The following AP4B1 variants were observed in gnomAD, a reference collection of about 807,000 sequenced individuals.
AP4B1 encodes the protein adaptor related protein complex 4 subunit beta 1, also known as AP-4 complex subunit beta-1.
In AP4B1, 49 loss-of-function variants were observed where a neutral mutation model predicts 76.5. The observed-to-expected ratio is 0.64, with a 90% CI of 0.51 to 0.81. The LOEUF (loss-of-function observed/expected upper bound fraction) is 0.81. Among genes scored for constraint, AP4B1 ranks in the 40% least tolerant of loss-of-function variants. The pLI is 0.00. For synonymous variants in AP4B1, 330 were observed against 333.3 expected, an observed-to-expected ratio of 0.99 and a Z score of 0.11; for missense variants, 911 against 904.9, an observed-to-expected ratio of 1.01 and a Z score of -0.09.
Position 113,894,764 on chromosome 1 carries a change from A to G in AP4B1, c.*301T>C, listed in dbSNP as rs12076115. The stretch of plus-strand genomic sequence containing the variant: ...CCCTATCAGTTTCCACACATCAGCC[A>G]TCTTTAATTACTAACACAATTCCTA... On this transcript the variant is annotated 3_prime_UTR_variant, in exon 10 of 10. Transcript: ENST00000369569. 6.1e-3 allele frequency: 2,158 copies of G among 356,600 alleles called. 50 individuals are homozygous for G. The highest frequency in any genetic ancestry group is 0.042 in the African/African-American group (1,981 of 47,582). The allele number at this position is 356,600 out of a possible 1,614,324, so 22.1% of individuals were successfully genotyped here.
At chr1:113,898,210 G>A (rs560275108) in intron 6 of AP4B1, among the ~76,000 whole-genome samples, 3 of 152,194 alleles carry the variant, frequency 2.0e-5, no homozygotes, top group Non-Finnish European at 4.4e-5. Flanking sequence ...ATGCAAATGT[G>A]GGGTAGTATT....
rs924555357 is a variant in AP4B1 at position 113,904,767 on chromosome 1, G to A, written c.-50C>T. On this transcript the variant is annotated 5_prime_UTR_variant, in exon 1 of 10. Coordinates refer to ENST00000369569, the MANE Select transcript of AP4B1 (RefSeq NM_001253852.3). ...CCCACAGCTCCCACGGTAACTCGAG[G>A]GCTCCTTCTCGTCCTGATGTGGGAG... The A allele has an allele frequency of 3.3e-6, 5 of 1,499,454 alleles. No homozygotes were observed. Among genetic ancestry groups the A allele is most frequent in the Non-Finnish European group, 4.6e-6 (5 of 1,077,428 alleles). 92.9% of individuals were successfully genotyped at this position (1,499,454 alleles called of 1,614,324 possible). A position where few individuals can be genotyped will look rare whatever the true frequency, so the allele number is the denominator to read the frequency against.
In AP4B1 at chr1:113,896,278, C is replaced by T. The variant is rs750578038; in HGVS notation, c.1490G>A (p.Arg497His). ...CCCACCTATGCAGTAATACAACAAA[C>T]GTCCTAGCATGTCCTGGCACTCAGC... ...RPAECQDMLG[R>H]LLYYCIEEEK... Residue 497 changes from arginine to histidine, a missense_variant, in exon 8 of 10, where the codon CGT (arginine) becomes CAT (histidine). Physicochemically the swap from Arg to His is conservative, Grantham distance 29. Transcript: ENST00000369569. The T allele has an allele frequency of 1.9e-5, 31 of 1,614,044 alleles. No homozygotes were observed. The East Asian group carries it at 2.5e-4, about 13-fold the overall frequency.
intron 1 of AP4B1, among the ~76,000 whole-genome samples, chr1:113,903,104 T>C (rs1266489317): frequency 1.3e-5 from 2 of 152,216 alleles, no homozygotes; most frequent in African/African-American, 4.8e-5. Flanking sequence ...CTTGCTCTGT[T>C]ACCCAGGCTA....
In AP4B1 at chr1:113,901,866, A is replaced by T. The variant is rs138880168; in HGVS notation, c.358T>A (p.Tyr120Asn). ...CCATTGAGAATAGGCTGTTGTATATACTCCTGCACACCAGGCATCCTAAGC... is the reference window on the plus strand; with the variant it reads ...CCATTGAGAATAGGCTGTTGTATATTCTCCTGCACACCAGGCATCCTAAGC... ...CSLRMPGVQE[Y>N]IQQPILNGLR... Residue 120 changes from tyrosine (Y) to asparagine (N), a missense_variant, in exon 3 of 10, where the codon TAT becomes AAT. Transcript: ENST00000369569. The T allele has an allele frequency of 1.3e-4, 204 of 1,614,036 alleles. No individual in the cohort carries two copies. The highest frequency in any genetic ancestry group is 1.7e-4 in the Non-Finnish European group (195 of 1,179,990).
rs768141876 is a variant in AP4B1 at position 113,895,219 on chromosome 1, G to A, written c.2066C>T (p.Thr689Ile). 8.1e-6 allele frequency: 13 copies of A among 1,614,092 alleles called. No individual in the cohort carries two copies. The Admixed American group carries it at 1.8e-4, about 23-fold the overall frequency. Residue 689 changes from threonine (T) to isoleucine (I), a missense_variant, in exon 10 of 10, where the codon ACT becomes ATT. Coordinates refer to ENST00000369569, the MANE Select transcript of AP4B1 (RefSeq NM_001253852.3). ...WKAYLSAQDD[T>I]GCLFLTELLL... Reference sequence around the variant, plus strand: ...CAGTTCTGTTAAGAACAGACAGCCAGTATCATCCTGAGCACTGAGGTATGC... The same window carrying A: ...CAGTTCTGTTAAGAACAGACAGCCAATATCATCCTGAGCACTGAGGTATGC...
chr1:113,895,672 T>C lies in AP4B1; in HGVS notation c.1792+85A>G, dbSNP rs111830978. On this transcript the variant is annotated intron_variant, in intron 9 of 9. Coordinates refer to ENST00000369569, the MANE Select transcript of AP4B1 (RefSeq NM_001253852.3). ...CAAATTCAGGCAACAGTCTGAGGTT[T>C]AGTGCTAAGATACTCTACTTTCCAC... The C allele has an allele frequency of 1.3e-3, 2,090 of 1,580,830 alleles. 28 individuals are homozygous for C. In the African/African-American group the frequency reaches 0.025, roughly 19 times the overall value.
intron 3 of AP4B1, 134 bp downstream of exon 3, chr1:113,901,621 A>G: frequency 1.5e-6 from 2 of 1,362,446 alleles, no homozygotes; most frequent in Non-Finnish European, 2.1e-6. Flanking sequence ...GAAGATACCA[A>G]GCCCTGCATC....
At chr1:113,895,733 A>T (rs1667385044) in intron 9 of AP4B1, 24 bp downstream of exon 9, 1 of 1,613,746 alleles carries the variant, frequency 6.2e-7, no homozygotes, top group African/African-American at 1.3e-5. Context: ...TCATGACAAG[A>T]TTTAAGGTAA....
At chr1:113,898,938 TTGA>T in intron 5 of AP4B1, 137 bp from the exon 6 acceptor site, 1 of 941,416 alleles carries the variant, frequency 1.1e-6, no homozygotes, top group Non-Finnish European at 1.6e-6. Context: ...CACTCCTTAC[TTGA>T]TGAACTAAGA....
At chr1:113,899,088 C>T (rs1335717052) in intron 5 of AP4B1, 4 of 1,238,994 alleles carry the variant, frequency 3.2e-6, no homozygotes, top group Non-Finnish European at 4.1e-6. Flanking sequence ...ATTTACATGG[C>T]AGCCAGATAT....
In AP4B1 at chr1:113,895,057, A is replaced by G. The variant is rs750985228; in HGVS notation, c.*8T>C. The G allele has an allele frequency of 1.1e-5, 18 of 1,611,762 alleles. No individual in the cohort carries two copies. In the African/African-American group the frequency reaches 2.4e-4, roughly 22 times the overall value. On this transcript the variant is annotated 3_prime_UTR_variant, in exon 10 of 10. Transcript: ENST00000369569. ...TTCATCTTACTCTAGACAAGCAACA[A>G]GACTCTGTTATGATTTTATTTCTTC...
chr1:113,896,572 G>A (rs190038360), intron 7 of AP4B1, 107 bp from the exon 8 acceptor site: 58 of 1,008,724 alleles, frequency 5.7e-5, no homozygotes, highest in Admixed American at 5.1e-4. Flanking sequence ...CAGCAGAAAA[G>A]GTGTAATCTT....
chr1:113,896,174 A>T, intron 8 of AP4B1, 84 bp downstream of exon 8: 2 of 1,595,600 alleles, frequency 1.3e-6, no homozygotes, highest in South Asian at 1.1e-5. Context: ...CTCGGGTCCC[A>T]GACGTGACTC....
rs755237945 is a variant in AP4B1 at position 113,896,495 on chromosome 1, T to G, written c.1303-30A>C. 36 of 1,607,566 alleles carry G rather than the reference T, an allele frequency of 2.2e-5. No homozygotes were observed. In the African/African-American group the frequency reaches 4.1e-4, roughly 19 times the overall value. On this transcript the variant is annotated intron_variant, in intron 7 of 9. Coordinates refer to ENST00000369569, the MANE Select transcript of AP4B1 (RefSeq NM_001253852.3). The stretch of plus-strand genomic sequence containing the variant: ...AGAATAAAGGAATAAGAGCAAGTGC[T>G]CAACACTTGACTGTCTAAAACACAG...
At position 113,899,969 on chromosome 1, in the gene AP4B1, T is replaced by A; in HGVS notation, c.1049A>T (p.Glu350Val). The change falls in exon 5 of 10, where the codon GAG becomes GTG. Residue 350 changes from glutamate to valine, a missense_variant. Transcript: ENST00000369569. ...VNDENVQQVL[E>V]ELRGYCTDVS... ...ATCCGTGCAGTACCCTCGAAGCTCC[T>A]CTAGCACCTGCTGCACATTCTCATC... is the stretch of plus-strand genomic sequence containing the variant. 1 of 1,614,174 alleles carries A rather than the reference T, an allele frequency of 6.2e-7. No homozygotes were observed. Among genetic ancestry groups the A allele is most frequent in the Non-Finnish European group, 8.5e-7 (1 of 1,180,020 alleles).
rs993963314 is a variant in AP4B1 at position 113,894,541 on chromosome 1, G to A, written c.*524C>T. Among the ~76,000 whole-genome samples, 3 of 152,188 alleles carry A rather than the reference G, an allele frequency of 2.0e-5. No homozygotes were observed. Among genetic ancestry groups the A allele is most frequent in the Non-Finnish European group, 2.9e-5 (2 of 68,044 alleles). ...AGGTGAAAGAAGCAGGTGTATAAAG[G>A]GAACTGCAATGCAAATGGTTTGCTT... On this transcript the variant is annotated 3_prime_UTR_variant, in exon 10 of 10. Transcript: ENST00000369569.
At position 113,901,736 on chromosome 1, in the gene AP4B1, T is replaced by C; in HGVS notation, c.469+19A>G. ...CATAATGGAGGCACATTGACCATGATGGATTACACTGAACTTACCTACTTC... is the reference window on the plus strand; with the variant it reads ...CATAATGGAGGCACATTGACCATGACGGATTACACTGAACTTACCTACTTC... On this transcript the variant is annotated intron_variant, in intron 3 of 9. Coordinates refer to ENST00000369569, the MANE Select transcript of AP4B1 (RefSeq NM_001253852.3). 1.2e-6 allele frequency: 2 copies of C among 1,614,200 alleles called. No homozygotes were observed. Among genetic ancestry groups the C allele is most frequent in the Non-Finnish European group, 1.7e-6 (2 of 1,180,020 alleles).
At chr1:113,898,634 T>C in intron 6 of AP4B1, 84 bp downstream of exon 6, 2 of 1,028,558 alleles carry the variant, frequency 1.9e-6, no homozygotes, top group South Asian at 2.5e-5. Context: ...ATATTACTCA[T>C]TCAACAACAA....
Sources: allele counts gnomAD v4.1 joint callset (sites outside exome capture counted in the v4.1 genomes callset), GRCh38; gene constraint gnomAD v4.1.1; transcripts MANE v1.5; gene names NCBI Gene and HGNC (gene_info 2026-07-23, HGNC 2026-07-21).